FBXW7: variants seen among roughly 807,000 people sequenced by gnomAD.
FBXW7 encodes the protein F-box and WD repeat domain containing 7.
FBXW7 carries 11 observed loss-of-function variants against 86.3 expected under a neutral mutation model. The ratio of observed to expected loss-of-function variants is 0.13; its 90% CI spans 0.08 to 0.21. The LOEUF is 0.21. Among genes scored for constraint, FBXW7 ranks in the 10% least tolerant of loss-of-function variants. FBXW7 has a pLI of 1.00. For synonymous variants in FBXW7, 313 were observed against 297.9 expected (o/e 1.05, Z -0.52); for missense variants, 488 against 847.4 (o/e 0.58, Z 5.27).
intron 7 of FBXW7, among the ~76,000 whole-genome samples, chr4:152,333,951 G>C (rs1338543712): frequency 6.6e-6 from 1 of 152,060 alleles, no homozygotes; most frequent in African/African-American, 2.4e-5. Flanking sequence ...CTACTCAGGA[G>C]GCTGAGGCAT....
At chr4:152,365,442 T>C (rs754161176) in intron 4 of FBXW7, among the ~76,000 whole-genome samples, 11 of 152,140 alleles carry the variant, frequency 7.2e-5, no homozygotes, top group Admixed American at 5.9e-4. Context: ...GTTATTCCAC[T>C]AGACCAGGCA....
chr4:152,519,458 GA>G (rs752550777), intron 2 of FBXW7, among the ~76,000 whole-genome samples: 4,654 of 152,234 alleles, frequency 0.031, 119 homozygotes, highest in African/African-American at 0.061. Context: ...GGCTCATCCT[GA>G]AATAATCTCC....
In FBXW7 at chr4:152,466,383, C is replaced by T. The variant is rs892593453; in HGVS notation, c.-119-53854G>A. Reference sequence around the variant, plus strand: ...CAGCCTGACCAACATGGTGAAACCCCGTCTCTTCTAAAAATACAAAAATTA... The same window carrying T: ...CAGCCTGACCAACATGGTGAAACCCTGTCTCTTCTAAAAATACAAAAATTA... On this transcript the variant is annotated intron_variant, in intron 2 of 13. Coordinates refer to ENST00000281708, the MANE Select transcript of FBXW7 (RefSeq NM_001349798.2). Among the ~76,000 whole-genome samples the T allele has an allele frequency of 2.6e-5, 4 of 151,596 alleles. 1 individual carries two copies. Among genetic ancestry groups the T allele is most frequent in the South Asian group, 4.2e-4 (2 of 4,792 alleles).
At chr4:152,443,567 A>G (rs1341106584) in intron 2 of FBXW7, among the ~76,000 whole-genome samples, 2 of 152,240 alleles carry the variant, frequency 1.3e-5, no homozygotes, top group African/African-American at 2.4e-5. Flanking sequence ...TGACTCCTGC[A>G]TATAGTTGGC....
At chr4:152,497,424 T>C (rs1746474391) in intron 2 of FBXW7, among the ~76,000 whole-genome samples, 1 of 148,594 alleles carries the variant, frequency 6.7e-6, no homozygotes, top group African/African-American at 2.5e-5. Flanking sequence ...ATATCCAGAT[T>C]ATAAAAAGAA....
intron 4 of FBXW7, among the ~76,000 whole-genome samples, chr4:152,375,512 C>T (rs921223273): frequency 1.3e-5 from 2 of 151,898 alleles, no homozygotes; most frequent in African/African-American, 4.8e-5. Context: ...CAAATATTAT[C>T]TCCTATAAGA....
intron 2 of FBXW7, among the ~76,000 whole-genome samples, chr4:152,459,773 AAAG>A (rs1742773250): frequency 6.6e-6 from 1 of 152,240 alleles, no homozygotes; most frequent in African/African-American, 2.4e-5. Flanking sequence ...CAATAATAAA[AAAG>A]AACAATTATA....
intron 4 of FBXW7, among the ~76,000 whole-genome samples, chr4:152,392,857 A>G (rs1347724877): frequency 1.3e-5 from 2 of 152,200 alleles, no homozygotes; most frequent in Non-Finnish European, 2.9e-5. Flanking sequence ...TTGACACTCA[A>G]TGGAAATGAG....
chr4:152,520,573 T>C (rs1403127813), intron 2 of FBXW7, among the ~76,000 whole-genome samples: 1 of 151,876 alleles, frequency 6.6e-6, no homozygotes, highest in Non-Finnish European at 1.5e-5. Flanking sequence ...TAAGAGTACA[T>C]ACTCACTTAA....
chr4:152,450,204 T>C (rs1347626714), intron 2 of FBXW7, among the ~76,000 whole-genome samples: 1 of 152,210 alleles, frequency 6.6e-6, no homozygotes, highest in African/African-American at 2.4e-5. Flanking sequence ...ATTCAATTTT[T>C]TAAAAATCCT....
chr4:152,362,180 T>C (rs1733027492), intron 4 of FBXW7, among the ~76,000 whole-genome samples: 1 of 152,102 alleles, frequency 6.6e-6, no homozygotes, highest in Admixed American at 6.6e-5. Context: ...GCTCCTGATA[T>C]GAACAAGTGC....
At chr4:152,401,794 A>G (rs1736955984) in intron 4 of FBXW7, among the ~76,000 whole-genome samples, 1 of 152,228 alleles carries the variant, frequency 6.6e-6, no homozygotes, top group South Asian at 2.1e-4. Context: ...GGAACTCTCT[A>G]GGCCTCTCAT....
intron 2 of FBXW7, among the ~76,000 whole-genome samples, chr4:152,511,802 G>A (rs2149715298): frequency 6.6e-6 from 1 of 152,218 alleles, no homozygotes; most frequent in South Asian, 2.1e-4. Context: ...TAAAATGTGA[G>A]AGAATATCAC....
Position 152,458,628 on chromosome 4 carries a change from G to A in FBXW7, c.-119-46099C>T, listed in dbSNP as rs576673309. ...TCCATTTGCACATTTAAAAATGAGA[G>A]CACAGTTAACATCATGCTGGATTGT... On this transcript the variant is annotated intron_variant, in intron 2 of 13. Transcript: ENST00000281708. Among the ~76,000 whole-genome samples, 12 of 152,336 alleles carry A rather than the reference G, an allele frequency of 7.9e-5. No homozygotes were observed. In the South Asian group the frequency reaches 2.3e-3, roughly 29 times the overall value.
At chr4:152,510,146 C>G (rs766876473) in intron 2 of FBXW7, among the ~76,000 whole-genome samples, 1 of 152,146 alleles carries the variant, frequency 6.6e-6, no homozygotes, top group Non-Finnish European at 1.5e-5. Context: ...TGGGAACAAC[C>G]TAAACGTCCA....
chr4:152,455,300 G>T (rs1560918976), intron 2 of FBXW7, among the ~76,000 whole-genome samples: 1 of 152,174 alleles, frequency 6.6e-6, no homozygotes, highest in Non-Finnish European at 1.5e-5. Context: ...CGGAATTCAG[G>T]TAAACTTTCT....
chr4:152,506,260 T>C (rs539887671), intron 2 of FBXW7, among the ~76,000 whole-genome samples: 1 of 152,150 alleles, frequency 6.6e-6, no homozygotes, highest in African/African-American at 2.4e-5. Flanking sequence ...GCCTCCTGAG[T>C]AGCTGGGACT....
At chr4:152,383,169 T>C (rs1288678034) in intron 4 of FBXW7, among the ~76,000 whole-genome samples, 3 of 152,146 alleles carry the variant, frequency 2.0e-5, no homozygotes, top group African/African-American at 7.2e-5. Context: ...ATGTAAAAAG[T>C]GTATTTATTT....
At chr4:152,330,618 G>A (rs941427386) in intron 9 of FBXW7, 114 bp downstream of exon 9, 3 of 849,310 alleles carry the variant, frequency 3.5e-6, no homozygotes, top group Middle Eastern at 2.4e-4. Context: ...TAAAATATAC[G>A]GTTTTCTTTC....
Sources: allele counts gnomAD v4.1 joint callset (sites outside exome capture counted in the v4.1 genomes callset), GRCh38; gene constraint gnomAD v4.1.1; transcripts MANE v1.5; gene names NCBI Gene and HGNC (gene_info 2026-07-23, HGNC 2026-07-21).